The following VWA2 variants were observed in gnomAD, a reference collection of about 807,000 sequenced individuals.
VWA2 encodes von Willebrand factor A domain-containing protein 2.
A neutral mutation model predicts 70.4 loss-of-function variants in VWA2; 73 were observed. The observed-to-expected ratio is 1.04, with a 90% confidence interval of 0.86 to 1.26. VWA2 has a LOEUF of 1.26. Among genes scored for constraint, VWA2 ranks in the 50% most tolerant of loss-of-function variants. The pLI is 0.00. For synonymous variants in VWA2, 407 were observed against 423.3 expected, an observed-to-expected ratio of 0.96 and a Z score of 0.47; for missense variants, 1,011 against 998.5, an observed-to-expected ratio of 1.01 and a Z score of -0.17.
At chr10:114,246,078 C>CCCCCA in intron 1 of VWA2, 1 of 467,426 alleles carries the variant, frequency 2.1e-6, no homozygotes, top group Non-Finnish European at 4.2e-6. Context: ...CGCCCCCCGC[C>CCCCCA]CAAGATGATT....
intron 4 of VWA2, among the ~76,000 whole-genome samples, chr10:114,258,241 G>A (rs2037371818): frequency 1.3e-5 from 2 of 152,146 alleles, no homozygotes; most frequent in South Asian, 4.1e-4. Context: ...CATGTACAAG[G>A]CATTTCATTC....
At position 114,284,875 on chromosome 10, in the gene VWA2, C is replaced by T. The variant is rs778205671; in HGVS notation, c.902C>T (p.Ser301Leu). 1.2e-5 allele frequency: 19 copies of T among 1,608,524 alleles called. No homozygotes were observed. The highest frequency in any genetic ancestry group is 1.8e-4 in the Middle Eastern group (1 of 5,536). Reference protein sequence around the residue: ...YRTTCPGPCDSQPCQNGGTCV... With the variant: ...YRTTCPGPCDLQPCQNGGTCV... ...ATCTCTCTGATAGGCCCCTGTGACTCGCAGCCCTGCCAGAATGGAGGCACA... is the reference window on the plus strand; with the variant it reads ...ATCTCTCTGATAGGCCCCTGTGACTTGCAGCCCTGCCAGAATGGAGGCACA... The change falls in exon 10 of 14, where the codon TCG becomes TTG. Residue 301 changes from serine to leucine, a missense_variant. By Grantham distance (145) the Ser-to-Leu change is moderately radical. Transcript: ENST00000392982.
At chr10:114,281,337 G>T (rs2530323) in intron 8 of VWA2, 152,349 of 152,392 alleles carry the variant, frequency 1, 76,153 homozygotes, top group East Asian at 1. Context: ...CCCCGGAGAC[G>T]CAGGAGAGGC....
At chr10:114,251,916 G>A (rs2037205286) in intron 2 of VWA2, among the ~76,000 whole-genome samples, 2 of 151,088 alleles carry the variant, frequency 1.3e-5, no homozygotes, top group African/African-American at 4.9e-5. Flanking sequence ...CCGCCTCCCG[G>A]GTTCAAGTGA....
rs1292317534 is a variant in VWA2, at chr10:114,261,266, G to A, written c.342G>A (p.Val114=). 2 of 1,614,132 alleles carry A rather than the reference G, an allele frequency of 1.2e-6. No homozygotes were observed. Among genetic ancestry groups the A allele is most frequent in the South Asian group, 2.2e-5 (2 of 91,070 alleles). The change falls in exon 5 of 14, where the codon GTG becomes GTA. Residue 114 remains valine (V), a synonymous_variant. Coordinates refer to ENST00000392982, the MANE Select transcript of VWA2 (RefSeq NM_001272046.2). ...PLDSFSTQQE[V]KARIKRMVFK... ...ATTCATTTTCAACCCAACAGGAAGT[G>A]AAGGCAAGAATCAAGAGGATGGTTT...
intron 5 of VWA2, among the ~76,000 whole-genome samples, chr10:114,271,608 A>ACACACAC (rs2037711035): frequency 1.1e-4 from 16 of 144,796 alleles, no homozygotes; most frequent in East Asian, 4.1e-4. Context: ...GAGAAGTAAA[A>ACACACAC]ACACACACAC....
At chr10:114,264,482 A>C (rs1480621566) in intron 5 of VWA2, among the ~76,000 whole-genome samples, 1 of 151,186 alleles carries the variant, frequency 6.6e-6, no homozygotes, top group Non-Finnish European at 1.5e-5. Context: ...CGGTGGTGCT[A>C]TCTCGGCTCA....
rs765307706 is a variant in VWA2, at chr10:114,278,021, C to G, written c.674C>G (p.Ser225Trp). The G allele has an allele frequency of 1.2e-6, 2 of 1,612,492 alleles. No homozygotes were observed. Among genetic ancestry groups the G allele is most frequent in the African/African-American group, 2.7e-5 (2 of 75,030 alleles). Residue 225 changes from serine (S) to tryptophan (W), a missense_variant, in exon 7 of 14, where the codon TCG becomes TGG. Physicochemically the swap from Ser to Trp is radical, Grantham distance 177. Transcript: ENST00000392982. ...GGCCTCTTCAGCACCCTCAGCAGCT[C>G]GGCCATCTGCTCCAGCGCCACGCCA... ...TNGLFSTLSS[S>W]AICSSATPDC...
At chr10:114,269,018 A>G (rs1305061630) in intron 5 of VWA2, among the ~76,000 whole-genome samples, 1 of 144,466 alleles carries the variant, frequency 6.9e-6, no homozygotes, top group East Asian at 2.0e-4. Flanking sequence ...GGCCAAGCGG[A>G]GGGATTTCTT....
intron 2 of VWA2, among the ~76,000 whole-genome samples, chr10:114,252,646 C>A (rs2037221935): frequency 6.6e-6 from 1 of 152,100 alleles, no homozygotes; most frequent in African/African-American, 2.4e-5. Context: ...CCTGCTGAAT[C>A]TCCTTCACCT....
chr10:114,247,917 G>C (rs1034892071), intron 1 of VWA2, among the ~76,000 whole-genome samples: 3 of 151,958 alleles, frequency 2.0e-5, no homozygotes, highest in Non-Finnish European at 4.4e-5. Context: ...CATGGGTGGT[G>C]AAGTTTTTTT....
chr10:114,272,984 A>G (rs1271532077), intron 6 of VWA2, 50 bp downstream of exon 6: 4 of 1,521,120 alleles, frequency 2.6e-6, no homozygotes, highest in Non-Finnish European at 8.9e-7. Flanking sequence ...CAGCCTGGGG[A>G]TCGTGACATG....
chr10:114,286,345 A>C lies in VWA2; in HGVS notation c.1404A>C (p.Ala468=). ...AGGTTGCGGGCCCAGCGCGTCACGCAAGGGCGCGAGAGCTGCTCCTGCTGG... is the reference window on the plus strand; with the variant it reads ...AGGTTGCGGGCCCAGCGCGTCACGCCAGGGCGCGAGAGCTGCTCCTGCTGG... The part of the protein sequence containing the change: ...EDEVAGPARH[A]RARELLLLGV... Residue 468 remains alanine, a synonymous_variant, in exon 11 of 14, where the codon GCA becomes GCC. Transcript: ENST00000392982. 1 of 1,613,592 alleles carries C rather than the reference A, an allele frequency of 6.2e-7. No individual in the cohort carries two copies. The highest frequency in any genetic ancestry group is 8.5e-7 in the Non-Finnish European group (1 of 1,179,864).
In VWA2 at chr10:114,292,184, G is replaced by A. The variant is rs2039664852; in HGVS notation, c.*947G>A. Among the ~76,000 whole-genome samples, 1 of 152,040 alleles carries A rather than the reference G, an allele frequency of 6.6e-6. No homozygotes were observed. Among genetic ancestry groups the A allele is most frequent in the Non-Finnish European group, 1.5e-5 (1 of 68,022 alleles). On this transcript the variant is annotated 3_prime_UTR_variant, in exon 14 of 14. Coordinates refer to ENST00000392982, the MANE Select transcript of VWA2 (RefSeq NM_001272046.2). ...CCCAGCTACTCGGGAGGCTGAGACA[G>A]GAGAATGGCTTGAACCTGGGAGGCG...
rs754178587 is a variant in VWA2 at position 114,278,051 on chromosome 10, AG to A, written c.700+5del. 10 of 1,608,594 alleles carry A rather than the reference AG, an allele frequency of 6.2e-6. No homozygotes were observed. In the Admixed American group the frequency reaches 1.3e-4, roughly 21 times the overall value. ...ATCTGCTCCAGCGCCACGCCAGGTA[AG>A]ATCTTCCAGCCTGGAGGGAGTGGAA... On this transcript the variant is annotated splice_donor_5th_base_variant and intron_variant, in intron 7 of 13. Coordinates refer to ENST00000392982, the MANE Select transcript of VWA2 (RefSeq NM_001272046.2).
chr10:114,261,034 C>G (rs919571785), intron 4 of VWA2, 152 bp from the exon 5 acceptor site: 1 of 580,140 alleles, frequency 1.7e-6, no homozygotes, highest in African/African-American at 1.9e-5. Context: ...GTCTTTGGAA[C>G]CTCCTTCTAG....
At position 114,289,222 on chromosome 10, in the gene VWA2, G is replaced by A; in HGVS notation, c.1855G>A (p.Asp619Asn). The change falls in exon 12 of 14, where the codon GAC becomes AAC. Residue 619 changes from aspartate (D) to asparagine (N), a missense_variant. Asp to Asn is a conservative substitution (Grantham distance 23). Coordinates refer to ENST00000392982, the MANE Select transcript of VWA2 (RefSeq NM_001272046.2). ...CGGCACCGCCCTGCTGCACATCTATGACAAAGTGATGACCGTCCAGAGGGG... is the reference window on the plus strand; with the variant it reads ...CGGCACCGCCCTGCTGCACATCTATAACAAAGTGATGACCGTCCAGAGGGG... The part of the protein sequence containing the change: ...SAGTALLHIY[D>N]KVMTVQRGAR... The A allele has an allele frequency of 6.2e-7, 1 of 1,613,886 alleles. No individual in the cohort carries two copies. The highest frequency in any genetic ancestry group is 8.5e-7 in the Non-Finnish European group (1 of 1,179,912).
At chr10:114,240,446 A>G (rs1224963909) in intron 1 of VWA2, among the ~76,000 whole-genome samples, 1 of 152,160 alleles carries the variant, frequency 6.6e-6, no homozygotes, top group Non-Finnish European at 1.5e-5. Context: ...CTGAAGCTGA[A>G]AGGGGACTTA....
rs183954805 is a variant in VWA2 at position 114,266,828 on chromosome 10, C to T, written c.371+5533C>T. On this transcript the variant is annotated intron_variant, in intron 5 of 13. Coordinates refer to ENST00000392982, the MANE Select transcript of VWA2 (RefSeq NM_001272046.2). Reference sequence around the variant, plus strand: ...GCAGAAAACGGTTGATAGCCTTCCCCGGCCCCTTTCAAACCACATTAACGT... The same window carrying T: ...GCAGAAAACGGTTGATAGCCTTCCCTGGCCCCTTTCAAACCACATTAACGT... Among the ~76,000 whole-genome samples, 5 of 152,266 alleles carry T rather than the reference C, an allele frequency of 3.3e-5. No individual in the cohort carries two copies. The East Asian group carries it at 7.7e-4, about 24-fold the overall frequency.
Sources: gnomAD v4.1 joint callset for allele counts (sites outside exome capture counted in the v4.1 genomes callset) on GRCh38, gnomAD v4.1.1 for gene constraint, MANE v1.5 for transcripts, NCBI Gene and HGNC (gene_info 2026-07-23, HGNC 2026-07-21) for gene names.